ACTL7B: variants seen among roughly 807,000 people sequenced by gnomAD.
The protein encoded by ACTL7B is actin like 7B.
A neutral mutation model predicts 17.5 loss-of-function variants in ACTL7B; 14 were observed. That is an observed-to-expected ratio of 0.80 (90% CI 0.53 to 1.25). The LOEUF (loss-of-function observed/expected upper bound fraction) is 1.25. Ranked by LOEUF, ACTL7B falls within the 50% of genes most tolerant of loss-of-function variation. The pLI, the probability that ACTL7B is intolerant of heterozygous loss-of-function variation, is 0.00. For missense variants in ACTL7B, 599 were observed against 573.9 expected (o/e 1.04, Z -0.45); for synonymous variants, 267 against 252.4 (o/e 1.06, Z -0.55).
chr9:108,855,679 G>C lies in ACTL7B; in HGVS notation c.252C>G (p.Pro84=), dbSNP rs41277841. The part of the protein sequence containing the change: ...FISSTVGKRC[P]EAADAGDTRK... ...GGGTGTCGCCAGCGTCGGCCGCCTC[G>C]GGGCAGCGTTTGCCCACGGTGGAGG... The change falls in exon 1 of 1, where the codon CCC becomes CCG. Residue 84 remains proline (P), a synonymous_variant. Coordinates refer to ENST00000374667, the MANE Select transcript of ACTL7B (RefSeq NM_006686.4). The C allele has an allele frequency of 3.1e-6, 5 of 1,612,144 alleles. No individual in the cohort carries two copies. Among genetic ancestry groups the C allele is most frequent in the Non-Finnish European group, 4.2e-6 (5 of 1,180,014 alleles).
chr9:108,855,222 G>A lies in ACTL7B; in HGVS notation c.709C>T (p.Leu237Phe), dbSNP rs1480803021. The A allele has an allele frequency of 6.3e-7, 1 of 1,596,298 alleles. No individual in the cohort carries two copies. The highest frequency in any genetic ancestry group is 1.7e-5 in the Admixed American group (1 of 59,782). ...GDLTNYLMQL[L>F]NEAGHAFTDD... ...GTGAATGCGTGGCCCGCCTCATTGA[G>A]CAGCTGCATCAGGTAGTTGGTGAGG... Residue 237 changes from leucine (L) to phenylalanine (F), a missense_variant, in exon 1 of 1, where the codon CTC becomes TTC. By Grantham distance (22) the Leu-to-Phe change is conservative (BLOSUM62 0). Coordinates refer to ENST00000374667, the MANE Select transcript of ACTL7B (RefSeq NM_006686.4).
chr9:108,854,611 AAT>A lies in ACTL7B; in HGVS notation c.*70_*71del. On this transcript the variant is annotated 3_prime_UTR_variant, in exon 1 of 1. Transcript: ENST00000374667. ...CATTTCAGAGTAAACCTTTATGTGA[AAT>A]TCTGTAAATGTGTATAGAGAGGCCT... 7.4e-7 allele frequency: 1 copy of A among 1,346,972 alleles called. No individual in the cohort carries two copies. The highest frequency in any genetic ancestry group is 2.6e-5 in the East Asian group (1 of 37,864). The allele number at this position is 1,346,972 out of a possible 1,614,324, so 83.4% of individuals were successfully genotyped here.
Position 108,855,328 on chromosome 9 carries a change from G to A in ACTL7B, c.603C>T (p.His201=), listed in dbSNP as rs779265577. The A allele has an allele frequency of 3.7e-6, 6 of 1,606,634 alleles. No homozygotes were observed. The highest frequency in any genetic ancestry group is 1.3e-5 in the African/African-American group (1 of 75,058). ...KTSGLVVESG[H]GVSHVVPISE... The stretch of plus-strand genomic sequence containing the variant: ...ATATGGGCACCACGTGCGAGACGCC[G>A]TGCCCGCTCTCCACCACCAGCCCCG... Residue 201 remains histidine, a synonymous_variant, in exon 1 of 1, where the codon CAC becomes CAT. Coordinates refer to ENST00000374667, the MANE Select transcript of ACTL7B (RefSeq NM_006686.4).
Position 108,854,874 on chromosome 9 carries a change from C to G in ACTL7B, c.1057G>C (p.Glu353Gln). ...AGGCTCAGCTCCCTCTGGAAGCGCT[C>G]GGGGAAGCCATCCAGCATAGTGCAG... The part of the protein sequence containing the change: ...GGCTMLDGFP[E>Q]RFQRELSLLC... The change falls in exon 1 of 1, where the codon GAG becomes CAG. Residue 353 changes from glutamate (E) to glutamine (Q), a missense_variant. Physicochemically the swap from Glu to Gln is conservative, Grantham distance 29. Transcript: ENST00000374667. 6.5e-7 allele frequency: 1 copy of G among 1,535,576 alleles called. No homozygotes were observed. The highest frequency in any genetic ancestry group is 8.8e-7 in the Non-Finnish European group (1 of 1,141,496).
Position 108,855,019 on chromosome 9 carries a change from C to G in ACTL7B, c.912G>C (p.Gln304His). 1 of 1,521,004 alleles carries G rather than the reference C, an allele frequency of 6.6e-7. No homozygotes were observed. Among genetic ancestry groups the G allele is most frequent in the Non-Finnish European group, 8.8e-7 (1 of 1,132,974 alleles). 94.2% of individuals were successfully genotyped at this position (1,521,004 alleles called of 1,614,324 possible). Residue 304 changes from glutamine to histidine, a missense_variant, in exon 1 of 1, where the codon CAG (glutamine) becomes CAC (histidine). Transcript: ENST00000374667. ...ERFRCSEMLF[Q>H]PSLAGSTQPG... ...GCTGGGTGCTGCCTGCCAGGGAGGG[C>G]TGGAAGAGCATCTCAGAGCAACGGA...
chr9:108,855,715 G>T lies in ACTL7B; in HGVS notation c.216C>A (p.Thr72=), dbSNP rs748848679. The change falls in exon 1 of 1, where the codon ACC becomes ACA. Residue 72 remains threonine (T), a synonymous_variant. Coordinates refer to ENST00000374667, the MANE Select transcript of ACTL7B (RefSeq NM_006686.4). The stretch of plus-strand genomic sequence containing the variant: ...TGCCCACGGTGGAGGAGATGAAGTA[G>T]GTGGGCCTCGGCTCTCCCGCGTAGC... ...KCGYAGEPRP[T]YFISSTVGKR... is the part of the protein sequence containing the mutation. 2 of 1,609,808 alleles carry T rather than the reference G, an allele frequency of 1.2e-6. No individual in the cohort carries two copies. Among genetic ancestry groups the T allele is most frequent in the African/African-American group, 2.7e-5 (2 of 75,076 alleles).
chr9:108,855,176 A>C lies in ACTL7B; in HGVS notation c.755T>G (p.Ile252Arg). Residue 252 changes from isoleucine to arginine, a missense_variant, in exon 1 of 1, where the codon ATA (isoleucine) becomes AGA (arginine). Transcript: ENST00000374667. ...GCAGCACTTCTTCTTGATGTGCTCT[A>C]TGATGTGCAGGTGGTCGTCCGTGAA... ...HAFTDDHLHI[I>R]EHIKKKCCYA... 1 of 1,607,924 alleles carries C rather than the reference A, an allele frequency of 6.2e-7. No homozygotes were observed. Among genetic ancestry groups the C allele is most frequent in the South Asian group, 1.1e-5 (1 of 90,878 alleles).
At position 108,855,539 on chromosome 9, in the gene ACTL7B, T is replaced by A. The variant is rs1353181774; in HGVS notation, c.392A>T (p.Glu131Val). ...VDWDCVQDIW[E>V]YIFRTAMKIL... ...CTTCATGGCGGTGCGGAAGATGTAC[T>A]CCCAGATGTCCTGCACGCAGTCCCA... Residue 131 changes from glutamate (E) to valine (V), a missense_variant, in exon 1 of 1, where the codon GAG becomes GTG. Glu to Val is a moderately radical substitution (Grantham distance 121). Transcript: ENST00000374667. 2 of 1,613,630 alleles carry A rather than the reference T, an allele frequency of 1.2e-6. No homozygotes were observed. The highest frequency in any genetic ancestry group is 1.7e-6 in the Non-Finnish European group (2 of 1,180,028).
Position 108,855,592 on chromosome 9 carries a change from G to A in ACTL7B, c.339C>T (p.Asn113=). The A allele has an allele frequency of 6.2e-7, 1 of 1,613,806 alleles. No individual in the cohort carries two copies. The highest frequency in any genetic ancestry group is 8.5e-7 in the Non-Finnish European group (1 of 1,180,042). Residue 113 remains asparagine, a synonymous_variant, in exon 1 of 1, where the codon AAC becomes AAT. Transcript: ENST00000374667. The part of the protein sequence containing the change: ...LNTEAPLKLV[N]PLKHGIVVDW... ...CCACCACGATGCCGTGCTTCAGCGG[G>A]TTCACCAGCTTGAGAGGCGCCTCCG...
In ACTL7B at chr9:108,855,302, G is replaced by C. The variant is rs758565813; in HGVS notation, c.629C>G (p.Ser210Cys). Residue 210 changes from serine (S) to cysteine (C), a missense_variant, in exon 1 of 1, where the codon TCC (serine) becomes TGC (cysteine). Ser to Cys is a moderately radical substitution (Grantham distance 112, BLOSUM62 -1). Transcript: ENST00000374667. ...GHGVSHVVPI[S>C]EGDVLPGLTS... ...CAGGCCCGGCAGCACGTCGCCCTCGGATATGGGCACCACGTGCGAGACGCC... is the reference window on the plus strand; with the variant it reads ...CAGGCCCGGCAGCACGTCGCCCTCGCATATGGGCACCACGTGCGAGACGCC... 2 of 1,602,432 alleles carry C rather than the reference G, an allele frequency of 1.2e-6. No homozygotes were observed. Among genetic ancestry groups the C allele is most frequent in the Non-Finnish European group, 1.7e-6 (2 of 1,179,780 alleles).
Position 108,855,291 on chromosome 9 carries a change from C to T in ACTL7B, c.640G>A (p.Val214Met), listed in dbSNP as rs767348925. ...SHVVPISEGD[V>M]LPGLTSRADY... ...GCGCGGCTGGTCAGGCCCGGCAGCACGTCGCCCTCGGATATGGGCACCACG... is the reference window on the plus strand; with the variant it reads ...GCGCGGCTGGTCAGGCCCGGCAGCATGTCGCCCTCGGATATGGGCACCACG... Residue 214 changes from valine to methionine, a missense_variant, in exon 1 of 1, where the codon GTG (valine) becomes ATG (methionine). Val to Met is a conservative substitution (Grantham distance 21). Coordinates refer to ENST00000374667, the MANE Select transcript of ACTL7B (RefSeq NM_006686.4). The T allele has an allele frequency of 3.8e-6, 6 of 1,599,990 alleles. No individual in the cohort carries two copies. Among genetic ancestry groups the T allele is most frequent in the Admixed American group, 1.7e-5 (1 of 59,922 alleles).
Position 108,854,710 on chromosome 9 carries a change from G to C in ACTL7B, c.1221C>G (p.Gly407=). 2 of 1,522,914 alleles carry C rather than the reference G, an allele frequency of 1.3e-6. No homozygotes were observed. Among genetic ancestry groups the C allele is most frequent in the South Asian group, 2.6e-5 (2 of 76,194 alleles). 94.3% of individuals were successfully genotyped at this position (1,522,914 alleles called of 1,614,324 possible). A position where few individuals can be genotyped will look rare whatever the true frequency, so the allele number is the denominator to read the frequency against. The change falls in exon 1 of 1, where the codon GGC becomes GGG. Residue 407 remains glycine, a synonymous_variant. Coordinates refer to ENST00000374667, the MANE Select transcript of ACTL7B (RefSeq NM_006686.4). ...WVSKEEFEER[G]SVAIYSKC ...AGCACTTGCTGTAGATGGCCACGCT[G>C]CCCCGCTCCTCAAACTCTTCCTTGC...
Position 108,855,284 on chromosome 9 carries a change from G to C in ACTL7B, c.647C>G (p.Pro216Arg). The C allele has an allele frequency of 6.3e-7, 1 of 1,599,442 alleles. No individual in the cohort carries two copies. The highest frequency in any genetic ancestry group is 1.1e-5 in the South Asian group (1 of 90,870). ...VVPISEGDVL[P>R]GLTSRADYAG... ...GTAGTCGGCGCGGCTGGTCAGGCCC[G>C]GCAGCACGTCGCCCTCGGATATGGG... The change falls in exon 1 of 1, where the codon CCG becomes CGG. Residue 216 changes from proline to arginine, a missense_variant. Transcript: ENST00000374667.
chr9:108,855,085 C>A lies in ACTL7B; in HGVS notation c.846G>T (p.Glu282Asp). 6.3e-7 allele frequency: 1 copy of A among 1,584,136 alleles called. No individual in the cohort carries two copies. The highest frequency in any genetic ancestry group is 8.6e-7 in the Non-Finnish European group (1 of 1,166,458). ...LVPEELRVDY[E>D]LPDGKLITIG... ...TAGTGATGAGTTTGCCGTCCGGGAG[C>A]TCGTAGTCCACGCGCAGCTCCTCCG... Residue 282 changes from glutamate to aspartate, a missense_variant, in exon 1 of 1, where the codon GAG becomes GAT. By Grantham distance (45) the Glu-to-Asp change is conservative (BLOSUM62 2). Transcript: ENST00000374667.
In ACTL7B at chr9:108,855,374, A is replaced by G. The variant is rs781295602; in HGVS notation, c.557T>C (p.Ile186Thr). The part of the protein sequence containing the change: ...MHVTSQSLLS[I>T]YSYGKTSGLV... Reference sequence around the variant, plus strand: ...CCCCGAGGTCTTGCCGTAGGAGTAGATGGACAGCAACGACTGGGACGTCAC... The same window carrying G: ...CCCCGAGGTCTTGCCGTAGGAGTAGGTGGACAGCAACGACTGGGACGTCAC... The change falls in exon 1 of 1, where the codon ATC becomes ACC. Residue 186 changes from isoleucine to threonine, a missense_variant. Ile to Thr is a moderately conservative substitution (Grantham distance 89). Coordinates refer to ENST00000374667, the MANE Select transcript of ACTL7B (RefSeq NM_006686.4). The G allele has an allele frequency of 1.9e-6, 3 of 1,612,738 alleles. No homozygotes were observed. In the Admixed American group the frequency reaches 5.0e-5, roughly 27 times the overall value.
chr9:108,855,073 G>A lies in ACTL7B; in HGVS notation c.858C>T (p.Gly286=), dbSNP rs534255067. 6.4e-7 allele frequency: 1 copy of A among 1,565,478 alleles called. No homozygotes were observed. The highest frequency in any genetic ancestry group is 2.2e-5 in the East Asian group (1 of 44,480). ...ELRVDYELPD[G]KLITIGQERF... The stretch of plus-strand genomic sequence containing the variant: ...GCTCCTGGCCAATAGTGATGAGTTT[G>A]CCGTCCGGGAGCTCGTAGTCCACGC... The change falls in exon 1 of 1, where the codon GGC becomes GGT. Residue 286 remains glycine, a synonymous_variant. Transcript: ENST00000374667.
chr9:108,855,365 TAGG>T lies in ACTL7B; in HGVS notation c.563_565del (p.Ser188del), dbSNP rs1827081950. The T allele has an allele frequency of 1.2e-6, 2 of 1,612,018 alleles. No homozygotes were observed. The highest frequency in any genetic ancestry group is 1.7e-5 in the Admixed American group (1 of 59,994). On this transcript the variant is annotated inframe_deletion, in exon 1 of 1. Transcript: ENST00000374667. The stretch of plus-strand genomic sequence containing the variant: ...CACCACCAGCCCCGAGGTCTTGCCG[TAGG>T]AGTAGATGGACAGCAACGACTGGGA...
chr9:108,855,840 G>A lies in ACTL7B; in HGVS notation c.91C>T (p.Arg31Trp), dbSNP rs377288822. The change falls in exon 1 of 1, where the codon CGG becomes TGG. Residue 31 changes from arginine to tryptophan, a missense_variant. Coordinates refer to ENST00000374667, the MANE Select transcript of ACTL7B (RefSeq NM_006686.4). ...GTRPGPDASL[R>W]DTGAATQLKM... is the part of the protein sequence containing the mutation. ...AGCTGAGTGGCCGCACCTGTGTCCC[G>A]GAGGCTGGCGTCAGGGCCGGGCCGT... The A allele has an allele frequency of 3.7e-6, 6 of 1,611,484 alleles. No individual in the cohort carries two copies. Among genetic ancestry groups the A allele is most frequent in the Non-Finnish European group, 5.1e-6 (6 of 1,179,956 alleles).
Position 108,855,768 on chromosome 9 carries a change from C to A in ACTL7B, c.163G>T (p.Asp55Tyr). 6.2e-7 allele frequency: 1 copy of A among 1,609,542 alleles called. No individual in the cohort carries two copies. The highest frequency in any genetic ancestry group is 8.5e-7 in the Non-Finnish European group (1 of 1,179,962). ...KVHKIKAVII[D>Y]LGSQYCKCGY... ...CACTTGCAGTACTGGGAGCCCAGGT[C>A]GATGATGACCGCCTTGATCTTGTGC... The change falls in exon 1 of 1, where the codon GAC becomes TAC. Residue 55 changes from aspartate to tyrosine, a missense_variant. Asp to Tyr is a radical substitution (Grantham distance 160). Transcript: ENST00000374667.
Sources: gnomAD v4.1 joint callset for allele counts on GRCh38, gnomAD v4.1.1 for gene constraint, MANE v1.5 for transcripts, NCBI Gene and HGNC (gene_info 2026-07-23, HGNC 2026-07-21) for gene names.